TENM2: variants seen among roughly 807,000 people sequenced by gnomAD.
TENM2 encodes the protein teneurin-2.
A neutral mutation model predicts 245.2 loss-of-function variants in TENM2; 52 were observed. The ratio of observed to expected loss-of-function variants is 0.21; its 90% CI spans 0.17 to 0.27. The LOEUF is 0.27. TENM2 is among the 10% of genes least tolerant of loss of function. The probability of loss-of-function intolerance (pLI) is 1.00; values close to 1 mark genes in which losing one functional copy is unlikely to be tolerated. For synonymous variants in TENM2, 1,363 were observed against 1,438.9 expected, an observed-to-expected ratio of 0.95 and a Z score of 1.19; for missense variants, 3,046 against 3,666.8, an observed-to-expected ratio of 0.83 and a Z score of 4.37.
chr5:167,263,864 G>A, the TENM2 span, among the ~76,000 whole-genome samples: 1 of 152,088 alleles, frequency 6.6e-6, no homozygotes, highest in Non-Finnish European at 1.5e-5. Flanking sequence ...ACGGCTTTGG[G>A]AGGCTGAGGT....
intron 2 of TENM2, among the ~76,000 whole-genome samples, chr5:167,722,456 A>G (rs1363179711): frequency 6.6e-6 from 1 of 152,212 alleles, no homozygotes; most frequent in Non-Finnish European, 1.5e-5. Context: ...TTAGATACAG[A>G]TACAGATATA....
At chr5:167,325,218 G>T (rs1278019296) in intron 1 of TENM2, among the ~76,000 whole-genome samples, 1 of 152,190 alleles carries the variant, frequency 6.6e-6, no homozygotes, top group African/African-American at 2.4e-5. Context: ...GAGGTTTACT[G>T]CTAATGGCCA....
At chr5:167,699,753 G>A (rs1258277208) in intron 2 of TENM2, among the ~76,000 whole-genome samples, 1 of 152,188 alleles carries the variant, frequency 6.6e-6, no homozygotes, top group Non-Finnish European at 1.5e-5. Flanking sequence ...TAGTAACAAT[G>A]CAGCAATGAT....
At chr5:167,412,878 C>CAAAA (rs35434897) in intron 2 of TENM2, among the ~76,000 whole-genome samples, 1 of 137,414 alleles carries the variant, frequency 7.3e-6, no homozygotes. Flanking sequence ...TCATCGAAAG[C>CAAAA]AAAAAAAAAA....
chr5:167,975,861 C>T (rs2546929), intron 4 of TENM2, among the ~76,000 whole-genome samples: 25,580 of 150,248 alleles, frequency 0.17, 2,286 homozygotes, highest in Admixed American at 0.26. Flanking sequence ...GTGCCCCAAA[C>T]TTAAATGCTT....
intron 3 of TENM2, among the ~76,000 whole-genome samples, chr5:167,879,445 C>A (rs754540149): frequency 2.0e-4 from 30 of 152,086 alleles, no homozygotes; most frequent in Non-Finnish European, 4.0e-4. Flanking sequence ...AGATATGTTT[C>A]TTGTATACAG....
At chr5:167,484,170 C>G (rs1362087956) in intron 2 of TENM2, among the ~76,000 whole-genome samples, 2 of 152,110 alleles carry the variant, frequency 1.3e-5, no homozygotes, top group African/African-American at 4.8e-5. Context: ...TATGGTGAAA[C>G]CCTGTCTCTA....
At chr5:167,266,133 G>A in the TENM2 span, among the ~76,000 whole-genome samples, 5 of 152,058 alleles carry the variant, frequency 3.3e-5, no homozygotes, top group African/African-American at 4.8e-5. Flanking sequence ...TTCTTTCGGC[G>A]TCTCTTTATT....
At chr5:168,113,415 A>G (rs1459872095) in intron 9 of TENM2, among the ~76,000 whole-genome samples, 2 of 152,172 alleles carry the variant, frequency 1.3e-5, no homozygotes, top group Admixed American at 6.5e-5. Flanking sequence ...CCCTCTACAC[A>G]TCTAGTCCAG....
chr5:167,697,569 T>G lies in TENM2; in HGVS notation c.503-178417T>G, dbSNP rs766104977. On this transcript the variant is annotated intron_variant, in intron 2 of 28. Coordinates refer to ENST00000518659, the Ensembl canonical transcript of TENM2. ...TTTTGAGATATAGTTTAGCTCTTGTTGCCTGGAGTGCAGTGGCACCATCTC... is the reference window on the plus strand; with the variant it reads ...TTTTGAGATATAGTTTAGCTCTTGTGGCCTGGAGTGCAGTGGCACCATCTC... 2.6e-4 allele frequency among the ~76,000 whole-genome samples: 39 copies of G among 152,156 alleles called. 1 individual carries two copies. Among genetic ancestry groups the G allele is most frequent in the Non-Finnish European group, 4.4e-4 (30 of 68,022 alleles).
intron 2 of TENM2, among the ~76,000 whole-genome samples, chr5:167,835,279 T>C (rs1768888291): frequency 6.6e-6 from 1 of 152,210 alleles, no homozygotes. Flanking sequence ...ACAGGGAGAA[T>C]TCATTTATCT....
intron 1 of TENM2, among the ~76,000 whole-genome samples, chr5:167,305,202 A>G (rs921421654): frequency 6.6e-6 from 1 of 152,018 alleles, no homozygotes; most frequent in African/African-American, 2.4e-5. Context: ...TCTCCCACTC[A>G]CTCATGTATG....
chr5:167,187,004 C>T, the TENM2 span, among the ~76,000 whole-genome samples: 1 of 152,168 alleles, frequency 6.6e-6, no homozygotes, highest in African/African-American at 2.4e-5. Flanking sequence ...ACTAACTTCT[C>T]CTCTCCACCC....
intron 1 of TENM2, among the ~76,000 whole-genome samples, chr5:167,363,575 CA>C: frequency 6.6e-6 from 1 of 151,044 alleles, no homozygotes; most frequent in Admixed American, 6.6e-5. Context: ...ACTAAAAATA[CA>C]AAAAATTAAC....
intron 2 of TENM2, among the ~76,000 whole-genome samples, chr5:167,626,947 T>C (rs758798899): frequency 4.7e-4 from 71 of 152,092 alleles, no homozygotes; most frequent in African/African-American, 1.7e-3. Flanking sequence ...AGACAATGAC[T>C]CTCTTTCTGA....
chr5:167,439,871 T>C (rs13165913), intron 2 of TENM2, among the ~76,000 whole-genome samples: 55,925 of 152,082 alleles, frequency 0.37, 12,482 homozygotes, highest in Middle Eastern at 0.54. Context: ...AAATTATAAA[T>C]CACTACCGTG....
At chr5:167,190,627 A>G in the TENM2 span, among the ~76,000 whole-genome samples, 2 of 152,192 alleles carry the variant, frequency 1.3e-5, no homozygotes, top group Admixed American at 6.6e-5. Context: ...TCTAAGAACC[A>G]TGGTATCAGG....
chr5:168,023,584 G>T (rs925756510), intron 5 of TENM2, among the ~76,000 whole-genome samples: 1 of 152,206 alleles, frequency 6.6e-6, no homozygotes, highest in Non-Finnish European at 1.5e-5. Context: ...AATGGATGGG[G>T]TGTCGGAAAA....
chr5:168,197,150 C>T (rs1048319548), intron 15 of TENM2, among the ~76,000 whole-genome samples: 1 of 152,184 alleles, frequency 6.6e-6, no homozygotes, highest in Admixed American at 6.5e-5. Flanking sequence ...CAGCAGTGTG[C>T]ATGCCCGATA....
Sources: allele counts gnomAD v4.1 joint callset (sites outside exome capture counted in the v4.1 genomes callset), GRCh38; gene constraint gnomAD v4.1.1; transcripts MANE v1.5; gene names NCBI Gene and HGNC (gene_info 2026-07-23, HGNC 2026-07-21).